KIAA1143: variants seen among roughly 807,000 people sequenced by gnomAD.
KIAA1143 encodes uncharacterized protein KIAA1143.
Under a neutral mutation model 17.0 loss-of-function variants are expected in KIAA1143, and 8 were observed. The ratio of observed to expected loss-of-function variants is 0.47; its 90% CI spans 0.28 to 0.85. KIAA1143 has a LOEUF of 0.85. KIAA1143 is among the 40% of genes least tolerant of loss of function. The pLI is 0.12. For synonymous variants in KIAA1143, 64 were observed against 67.8 expected (o/e 0.94, Z 0.27); for missense variants, 162 against 183.3 (o/e 0.88, Z 0.67).
In KIAA1143 at chr3:44,761,589, T is replaced by G; in HGVS notation, c.14A>C (p.Asn5Thr). 1.9e-6 allele frequency: 3 copies of G among 1,609,718 alleles called. No homozygotes were observed. In the South Asian group the frequency reaches 3.3e-5, roughly 18 times the overall value. Residue 5 changes from asparagine (N) to threonine (T), a missense_variant, in exon 1 of 3, where the codon AAC (asparagine) becomes ACC (threonine). Physicochemically the swap from Asn to Thr is moderately conservative, Grantham distance 65. Around this residue, in one of 2 missense-constraint regions of KIAA1143, gnomAD observed 137 missense variants for 132.5 expected, o/e 1.03. Transcript: ENST00000296121. ...GGCTGGCCGCACGTACGATACCTGG[T>G]TCCGCTTGCTCATGGTAGCTCTGGG... MSKR[N>T]QVSYVRPAEP... is the part of the protein sequence containing the mutation.
intron 1 of KIAA1143, among the ~76,000 whole-genome samples, chr3:44,759,612 G>A (rs1575560127): frequency 4.6e-5 from 7 of 152,172 alleles, no homozygotes; most frequent in Admixed American, 6.5e-5. Flanking sequence ...AGCTATGAAA[G>A]TCCTAAATGG....
At chr3:44,758,362 C>T (rs1411472394) in intron 1 of KIAA1143, among the ~76,000 whole-genome samples, 1 of 152,154 alleles carries the variant, frequency 6.6e-6, no homozygotes, top group East Asian at 1.9e-4. Context: ...TAGCATTTTA[C>T]CCACAGCTGA....
At chr3:44,755,919 C>T (rs1704963688) in intron 1 of KIAA1143, among the ~76,000 whole-genome samples, 1 of 152,188 alleles carries the variant, frequency 6.6e-6, no homozygotes. Flanking sequence ...GTTGCTTGTG[C>T]CATTTTAACT....
At chr3:44,757,786 C>G (rs984976226) in intron 1 of KIAA1143, among the ~76,000 whole-genome samples, 2 of 152,196 alleles carry the variant, frequency 1.3e-5, no homozygotes, top group African/African-American at 4.8e-5. Flanking sequence ...AAGAACATGG[C>G]ATTTTGGAGA....
At chr3:44,755,241 A>G (rs1704953139) in intron 1 of KIAA1143, among the ~76,000 whole-genome samples, 1 of 152,184 alleles carries the variant, frequency 6.6e-6, no homozygotes, top group Non-Finnish European at 1.5e-5. Flanking sequence ...GCTCGTTTCC[A>G]GATTTTTTTC....
chr3:44,756,910 G>C (rs1704981388), intron 1 of KIAA1143, among the ~76,000 whole-genome samples: 1 of 152,116 alleles, frequency 6.6e-6, no homozygotes. Context: ...AAAAAACATA[G>C]TATATATAGA....
At position 44,753,130 on chromosome 3, in the gene KIAA1143, A is replaced by G. The variant is rs1376682341; in HGVS notation, c.*211T>C. ...ACATATATATACAACCACACAAGGGAAATAACAAAATGTTAATACTAGCTA... is the reference window on the plus strand; with the variant it reads ...ACATATATATACAACCACACAAGGGGAATAACAAAATGTTAATACTAGCTA... On this transcript the variant is annotated 3_prime_UTR_variant, in exon 3 of 3. Coordinates refer to ENST00000296121, the MANE Select transcript of KIAA1143 (RefSeq NM_020696.4). The G allele has an allele frequency of 4.8e-6, 2 of 416,336 alleles. No individual in the cohort carries two copies. Among genetic ancestry groups the G allele is most frequent in the Non-Finnish European group, 8.5e-6 (2 of 236,246 alleles). 25.8% of individuals were successfully genotyped at this position (416,336 alleles called of 1,614,324 possible).
Position 44,761,531 on chromosome 3 carries a change from C to T in KIAA1143, c.72G>A (p.Arg24=). The T allele has an allele frequency of 6.2e-7, 1 of 1,614,174 alleles. No individual in the cohort carries two copies. Among genetic ancestry groups the T allele is most frequent in the Non-Finnish European group, 8.5e-7 (1 of 1,180,032 alleles). ...CGGTGGGTCCCTCCCTGTAGCCGAC[C>T]CGTTCCTTGAAGCGGGCCAGAAACG... ...EPAFLARFKE[R]VGYREGPTVE... The change falls in exon 1 of 3, where the codon CGG becomes CGA. Residue 24 remains arginine, a synonymous_variant. Coordinates refer to ENST00000296121, the MANE Select transcript of KIAA1143 (RefSeq NM_020696.4).
rs969051727 is a variant in KIAA1143, at chr3:44,761,477, C to T, written c.108+18G>A. On this transcript the variant is annotated intron_variant, in intron 1 of 2. Transcript: ENST00000296121. ...GGCTGGCTGCGCTTCCGAAGAAACACGACTGGCGAAGGCTCACCTTAGTCT... is the reference window on the plus strand; with the variant it reads ...GGCTGGCTGCGCTTCCGAAGAAACATGACTGGCGAAGGCTCACCTTAGTCT... 1.3e-6 allele frequency: 2 copies of T among 1,591,506 alleles called. No individual in the cohort carries two copies. Among genetic ancestry groups the T allele is most frequent in the Middle Eastern group, 1.7e-4 (1 of 5,962 alleles).
In KIAA1143 at chr3:44,754,269, C is replaced by T; in HGVS notation, c.208G>A (p.Glu70Lys). ...VVLKKGDLSVEEVMKIKAEIK... is the reference protein window; with the variant it reads ...VVLKKGDLSVKEVMKIKAEIK... ...TCTGCTTTAATTTTCATGACTTCTTCAACTGACAGGTCTCCCTTTTTTAAA... is the reference window on the plus strand; with the variant it reads ...TCTGCTTTAATTTTCATGACTTCTTTAACTGACAGGTCTCCCTTTTTTAAA... The change falls in exon 2 of 3, where the codon GAA (glutamate) becomes AAA (lysine). Residue 70 changes from glutamate to lysine, a missense_variant. Around this residue, in one of 2 missense-constraint regions of KIAA1143, gnomAD observed 137 missense variants for 132.5 expected, o/e 1.03. Coordinates refer to ENST00000296121, the MANE Select transcript of KIAA1143 (RefSeq NM_020696.4). 1 of 1,614,068 alleles carries T rather than the reference C, an allele frequency of 6.2e-7. No individual in the cohort carries two copies. The highest frequency in any genetic ancestry group is 2.2e-5 in the East Asian group (1 of 44,876).
At chr3:44,758,281 G>A (rs925362691) in intron 1 of KIAA1143, among the ~76,000 whole-genome samples, 7 of 152,122 alleles carry the variant, frequency 4.6e-5, no homozygotes, top group African/African-American at 9.7e-5. Context: ...AAAATAAGAC[G>A]ATGAAGTTTG....
chr3:44,755,134 G>C (rs189960072), intron 1 of KIAA1143, among the ~76,000 whole-genome samples: 2 of 152,266 alleles, frequency 1.3e-5, no homozygotes, highest in African/African-American at 2.4e-5. Context: ...TTAAGATATA[G>C]AATTATCTGA....
intron 1 of KIAA1143, among the ~76,000 whole-genome samples, chr3:44,756,815 G>A (rs1704979704): frequency 1.3e-5 from 2 of 152,040 alleles, no homozygotes; most frequent in Admixed American, 1.3e-4. Context: ...AGAGTATATT[G>A]TTATGATTGT....
At position 44,761,608 on chromosome 3, in the gene KIAA1143, C is replaced by G. The variant is rs112626673; in HGVS notation, c.-6G>C. On this transcript the variant is annotated 5_prime_UTR_variant, in exon 1 of 3. Coordinates refer to ENST00000296121, the MANE Select transcript of KIAA1143 (RefSeq NM_020696.4). ...ACCTGGTTCCGCTTGCTCATGGTAG[C>G]TCTGGGTAAAGACAGAAGACAGGTT... is the stretch of plus-strand genomic sequence containing the variant. 3,577 of 1,565,650 alleles carry G rather than the reference C, an allele frequency of 2.3e-3. 55 individuals carry two copies. In the African/African-American group the frequency reaches 0.046, roughly 20 times the overall value.
chr3:44,761,112 C>G (rs976990258), intron 1 of KIAA1143, among the ~76,000 whole-genome samples: 28 of 152,258 alleles, frequency 1.8e-4, no homozygotes, highest in Middle Eastern at 3.4e-3. Flanking sequence ...GTCATTTGAT[C>G]GAGTGGCCTG....
intron 1 of KIAA1143, among the ~76,000 whole-genome samples, chr3:44,758,806 C>G (rs1243997594): frequency 6.6e-6 from 1 of 152,004 alleles, no homozygotes; most frequent in Non-Finnish European, 1.5e-5. Flanking sequence ...TTTACAATAT[C>G]CAGATGCATC....
At position 44,760,387 on chromosome 3, in the gene KIAA1143, CTTCTTTTTT is replaced by C. The variant is rs1416571519; in HGVS notation, c.108+1099_108+1107del. On this transcript the variant is annotated intron_variant, in intron 1 of 2. Coordinates refer to ENST00000296121, the MANE Select transcript of KIAA1143 (RefSeq NM_020696.4). Reference sequence around the variant, plus strand: ...AGGATATTTACGGCTTCTGCTTACTCTTCTTTTTTTTCTTTTTTTTGAGACGGAGTCTCG... The same window carrying C: ...AGGATATTTACGGCTTCTGCTTACTCTTCTTTTTTTTGAGACGGAGTCTCG... Among the ~76,000 whole-genome samples, 15 of 152,222 alleles carry C rather than the reference CTTCTTTTTT, an allele frequency of 9.9e-5. 1 individual carries two copies. The South Asian group carries it at 2.1e-3, about 21-fold the overall frequency.
intron 1 of KIAA1143, among the ~76,000 whole-genome samples, chr3:44,757,116 C>T (rs17624976): frequency 0.017 from 2,574 of 152,298 alleles, 31 homozygotes; most frequent in Admixed American, 0.026. Flanking sequence ...AGATAGCATT[C>T]CAAGCTGTAA....
At chr3:44,754,547 C>A (rs146942798) in intron 1 of KIAA1143, among the ~76,000 whole-genome samples, 179 bp from the exon 2 acceptor site, 1 of 152,206 alleles carries the variant, frequency 6.6e-6, no homozygotes, top group Non-Finnish European at 1.5e-5. Flanking sequence ...ACAGGTTTAA[C>A]TGCCATTCAG....
Sources: gnomAD v4.1 joint callset for allele counts (sites outside exome capture counted in the v4.1 genomes callset) on GRCh38, gnomAD v4.1.1 for gene constraint, gnomAD v4.1.1 regional missense constraint, MANE v1.5 for transcripts, NCBI Gene and HGNC (gene_info 2026-07-23, HGNC 2026-07-21) for gene names.